The following USPL1 variants were observed in gnomAD, a reference collection of about 807,000 sequenced individuals.
The protein encoded by USPL1 is SUMO-specific isopeptidase USPL1.
A neutral mutation model predicts 51.5 loss-of-function variants in USPL1; 27 were observed. The ratio of observed to expected loss-of-function variants is 0.52; its 90% confidence interval spans 0.39 to 0.72. The LOEUF is 0.72. Ranked by LOEUF, USPL1 falls within the 30% of genes least tolerant of loss-of-function variation. The pLI is 0.00. For synonymous variants in USPL1, 451 were observed against 459.6 expected (o/e 0.98, Z 0.24); for missense variants, 1,226 against 1,268.0 (o/e 0.97, Z 0.50).
intron 5 of USPL1, among the ~76,000 whole-genome samples, chr13:30,639,130 C>T (rs1173788853): frequency 6.6e-6 from 1 of 151,262 alleles, no homozygotes; most frequent in Non-Finnish European, 1.5e-5. Flanking sequence ...GCAGGAGAAT[C>T]GCTTGAACTT....
In USPL1 at chr13:30,657,974, G is replaced by C. The variant is rs1196045746; in HGVS notation, c.1897G>C (p.Ala633Pro). The part of the protein sequence containing the change: ...NTLLSQESLM[A>P]SSVSAPCNEK... ...TTTGCTATCACAAGAATCACTAATG[G>C]CTTCTTCAGTATCAGCTCCATGTAA... is the stretch of plus-strand genomic sequence containing the variant. The change falls in exon 9 of 9, where the codon GCT (alanine) becomes CCT (proline). Residue 633 changes from alanine (A) to proline (P), a missense_variant. Ala to Pro is a conservative substitution (Grantham distance 27, BLOSUM62 -1). Transcript: ENST00000255304. 5 of 1,613,504 alleles carry C rather than the reference G, an allele frequency of 3.1e-6. No homozygotes were observed. In the Admixed American group the frequency reaches 5.0e-5, roughly 16 times the overall value.
chr13:30,626,681 A>G (rs1469466987), intron 3 of USPL1, among the ~76,000 whole-genome samples: 5 of 152,182 alleles, frequency 3.3e-5, no homozygotes, highest in Non-Finnish European at 7.4e-5. Context: ...TCTTTTAGTC[A>G]GGTATTTACA....
intron 3 of USPL1, among the ~76,000 whole-genome samples, chr13:30,630,619 T>C (rs1950788500): frequency 6.6e-6 from 1 of 152,232 alleles, no homozygotes; most frequent in South Asian, 2.1e-4. Flanking sequence ...AAACCCTTGA[T>C]TGTTCAAATT....
rs780632413 is a variant in USPL1 at position 30,653,342 on chromosome 13, A to G, written c.1396+37A>G. 7 of 1,512,006 alleles carry G rather than the reference A, an allele frequency of 4.6e-6. No individual in the cohort carries two copies. In the South Asian group the frequency reaches 5.1e-5, roughly 11 times the overall value. The allele number at this position is 1,512,006 out of a possible 1,614,324, so 93.7% of individuals were successfully genotyped here. A position where few individuals can be genotyped will look rare whatever the true frequency, so the allele number is the denominator to read the frequency against. ...GAGGTTTTCTTTTAAGATAATTGGC[A>G]TAGAAACTAAATTCTAGCATGTGGG... On this transcript the variant is annotated intron_variant, in intron 8 of 8. Coordinates refer to ENST00000255304, the MANE Select transcript of USPL1 (RefSeq NM_005800.5).
At chr13:30,656,887 A>T (rs1392391346) in intron 8 of USPL1, among the ~76,000 whole-genome samples, 11 of 147,034 alleles carry the variant, frequency 7.5e-5, no homozygotes, top group African/African-American at 2.3e-4. Flanking sequence ...TTTTTTTTTT[A>T]AAGGAATGGT....
intron 4 of USPL1, among the ~76,000 whole-genome samples, chr13:30,632,401 T>C (rs1950818863): frequency 6.9e-6 from 1 of 144,740 alleles, no homozygotes; most frequent in Admixed American, 7.1e-5. Flanking sequence ...GTCTTTGCTA[T>C]TGTGATTTTT....
intron 7 of USPL1, among the ~76,000 whole-genome samples, chr13:30,652,746 C>T (rs1375685919): frequency 6.6e-6 from 1 of 152,196 alleles, no homozygotes; most frequent in Non-Finnish European, 1.5e-5. Context: ...TTACCTACCC[C>T]ACTTAACAAA....
At chr13:30,656,492 C>T (rs1256775295) in intron 8 of USPL1, among the ~76,000 whole-genome samples, 1 of 152,168 alleles carries the variant, frequency 6.6e-6, no homozygotes, top group Non-Finnish European at 1.5e-5. Context: ...TTATTTTACT[C>T]AGCATATTTT....
intron 5 of USPL1, among the ~76,000 whole-genome samples, chr13:30,639,527 T>C (rs1950919547): frequency 6.6e-6 from 1 of 152,176 alleles, no homozygotes; most frequent in African/African-American, 2.4e-5. Flanking sequence ...AGAACTGTTG[T>C]AATTTATGCA....
Position 30,657,510 on chromosome 13 carries a change from G to A in USPL1, c.1433G>A (p.Cys478Tyr), listed in dbSNP as rs760812322. 1.2e-5 allele frequency: 19 copies of A among 1,610,508 alleles called. No individual in the cohort carries two copies. The highest frequency in any genetic ancestry group is 8.9e-5 in the South Asian group (8 of 90,386). Residue 478 changes from cysteine (C) to tyrosine (Y), a missense_variant, in exon 9 of 9, where the codon TGT becomes TAT. Cys to Tyr is a radical substitution (Grantham distance 194). Coordinates refer to ENST00000255304, the MANE Select transcript of USPL1 (RefSeq NM_005800.5). ...GAATGTGATGACTTAAAAGGCCCAT[G>A]TTCTGAAAGGCACAAGAAATTTGAA... ...WLECDDLKGP[C>Y]SERHKKFEVP...
At chr13:30,628,566 G>A (rs937060038) in intron 3 of USPL1, among the ~76,000 whole-genome samples, 1 of 152,134 alleles carries the variant, frequency 6.6e-6, no homozygotes, top group Admixed American at 6.5e-5. Flanking sequence ...AGGCCCCGGT[G>A]TGTGATGTTC....
chr13:30,621,272 G>T (rs1045406340), intron 2 of USPL1, 33 bp downstream of exon 2: 47 of 1,249,970 alleles, frequency 3.8e-5, no homozygotes, highest in East Asian at 1.5e-4. Context: ...TGAGTGCAAA[G>T]TTTTTTTTTT....
intron 6 of USPL1, among the ~76,000 whole-genome samples, chr13:30,644,420 T>C (rs1208962952): frequency 2.0e-5 from 3 of 151,862 alleles, no homozygotes; most frequent in Non-Finnish European, 4.4e-5. Flanking sequence ...TTTTGTTTTT[T>C]TTTTAACTGG....
intron 3 of USPL1, among the ~76,000 whole-genome samples, chr13:30,626,983 C>A (rs1232444690): frequency 6.6e-6 from 1 of 151,740 alleles, no homozygotes; most frequent in Non-Finnish European, 1.5e-5. Context: ...TTTGGCCATA[C>A]CTTGTTGATA....
At chr13:30,651,916 A>G (rs1381456525) in intron 7 of USPL1, among the ~76,000 whole-genome samples, 2 of 152,028 alleles carry the variant, frequency 1.3e-5, no homozygotes, top group Admixed American at 1.3e-4. Flanking sequence ...AGATTGCACC[A>G]CTGCACTCCA....
chr13:30,629,241 C>T (rs1431341673), intron 3 of USPL1, among the ~76,000 whole-genome samples: 1 of 152,174 alleles, frequency 6.6e-6, no homozygotes, highest in East Asian at 1.9e-4. Flanking sequence ...TGGTGGCTCA[C>T]ATCTGGAACT....
chr13:30,652,176 T>A (rs1383732563), intron 7 of USPL1, among the ~76,000 whole-genome samples: 1 of 152,240 alleles, frequency 6.6e-6, no homozygotes, highest in Non-Finnish European at 1.5e-5. Context: ...TTAGATTTGA[T>A]GAAATAGATA....
At chr13:30,651,425 C>T (rs1420308691) in intron 7 of USPL1, among the ~76,000 whole-genome samples, 1 of 152,038 alleles carries the variant, frequency 6.6e-6, no homozygotes, top group East Asian at 1.9e-4. Flanking sequence ...GCAGTTTTTA[C>T]TTTTATTAAT....
chr13:30,625,862 T>A (rs1262586350), intron 3 of USPL1, among the ~76,000 whole-genome samples: 1 of 152,248 alleles, frequency 6.6e-6, no homozygotes. Flanking sequence ...TATTATTATT[T>A]TTTTAATTTC....
Sources: gnomAD v4.1 joint callset for allele counts (sites outside exome capture counted in the v4.1 genomes callset) on GRCh38, gnomAD v4.1.1 for gene constraint, MANE v1.5 for transcripts, NCBI Gene and HGNC (gene_info 2026-07-23, HGNC 2026-07-21) for gene names.